The following FBN1 variants were observed in gnomAD, a reference collection of about 807,000 sequenced individuals.
FBN1 encodes the protein fibrillin 1.
Under a neutral mutation model 365.1 loss-of-function variants are expected in FBN1, and 29 were observed. That is an observed-to-expected ratio of 0.08 (90% CI 0.06 to 0.11). The LOEUF (loss-of-function observed/expected upper bound fraction) is 0.11, where lower values mean the gene tolerates loss of function less well. FBN1 is among the 10% of genes least tolerant of loss of function. FBN1 has a pLI of 1.00. For missense variants in FBN1, 2,476 were observed against 3,703.2 expected (o/e 0.67, Z 8.60); for synonymous variants, 1,210 against 1,270.5 (o/e 0.95, Z 1.01).
chr15:48,475,909 T>C (rs181041196), intron 32 of FBN1, among the ~76,000 whole-genome samples: 1 of 152,198 alleles, frequency 6.6e-6, no homozygotes, highest in Non-Finnish European at 1.5e-5. Context: ...CTAATGATCA[T>C]AAAAATGAAG....
Position 48,430,801 on chromosome 15 carries a change from A to G in FBN1, c.6741T>C (p.Asp2247=). The G allele has an allele frequency of 3.1e-6, 5 of 1,613,562 alleles. No individual in the cohort carries two copies. The highest frequency in any genetic ancestry group is 4.2e-6 in the Non-Finnish European group (5 of 1,179,738). The change falls in exon 56 of 66, where the codon GAT becomes GAC. Residue 2247 remains aspartate (D), a splice_region_variant and synonymous_variant. Coordinates refer to ENST00000316623, the MANE Select transcript of FBN1 (RefSeq NM_000138.5). The part of the protein sequence containing the change: ...VLREDRRMCK[D]EDECEEGKHD... ...GTTTTCCCTCTTCACACTCATCCTC[A>G]TCTGTAAAAAATGTACAATCACAAA...
intron 6 of FBN1, among the ~76,000 whole-genome samples, chr15:48,543,683 C>T (rs867920746): frequency 6.6e-6 from 1 of 152,062 alleles, no homozygotes; most frequent in African/African-American, 2.4e-5. Context: ...TTTCTCTTCA[C>T]CAAAAGAAGT....
chr15:48,601,965 C>T (rs1465572523), intron 4 of FBN1, among the ~76,000 whole-genome samples: 1 of 152,198 alleles, frequency 6.6e-6, no homozygotes, highest in Non-Finnish European at 1.5e-5. Context: ...CCCACTATGT[C>T]CTATGACTCC....
At chr15:48,468,230 T>A in intron 37 of FBN1, 128 bp from the exon 38 acceptor site, 1 of 1,366,676 alleles carries the variant, frequency 7.3e-7, no homozygotes, top group Non-Finnish European at 1.0e-6. Flanking sequence ...AAAGTGCCCA[T>A]GAACATTATA....
chr15:48,568,256 TTC>T (rs2044276963), intron 6 of FBN1, among the ~76,000 whole-genome samples: 2 of 151,346 alleles, frequency 1.3e-5, no homozygotes, highest in Admixed American at 6.6e-5. Context: ...TACAAAGCAA[TTC>T]AATTCACAAT....
rs1427266353 is a variant in FBN1, at chr15:48,483,942, G to A, written c.3714C>T (p.Asp1238=). 9 of 1,612,662 alleles carry A rather than the reference G, an allele frequency of 5.6e-6. No individual in the cohort carries two copies. Among genetic ancestry groups the A allele is most frequent in the Non-Finnish European group, 7.6e-6 (9 of 1,179,932 alleles). Residue 1238 remains aspartate (D), a splice_region_variant and synonymous_variant, in exon 31 of 66, where the codon GAC becomes GAT. Coordinates refer to ENST00000316623, the MANE Select transcript of FBN1 (RefSeq NM_000138.5). ...ALMPDQRSCT[D]IDECEDNPNI... is the part of the protein sequence containing the mutation. ...TGGGATTATCTTCACACTCATCGAT[G>A]TCTGCAAAGAATAAAACCAACAACC...
At chr15:48,510,522 C>T (rs1192760176) in intron 13 of FBN1, among the ~76,000 whole-genome samples, 2 of 152,128 alleles carry the variant, frequency 1.3e-5, no homozygotes, top group African/African-American at 2.4e-5. Flanking sequence ...CATCTTTAAA[C>T]ATATAATTTT....
In FBN1 at chr15:48,526,271, A is replaced by C; in HGVS notation, c.863-16T>G. On this transcript the variant is annotated splice_polypyrimidine_tract_variant and intron_variant, in intron 8 of 65. Coordinates refer to ENST00000316623, the MANE Select transcript of FBN1 (RefSeq NM_000138.5). Reference sequence around the variant, plus strand: ...TCATCAATATCTGGAATATAAAAAAAAGAATCTCAGCATTTGTAGAACACA... The same window carrying C: ...TCATCAATATCTGGAATATAAAAAACAGAATCTCAGCATTTGTAGAACACA... 1.9e-6 allele frequency: 3 copies of C among 1,613,876 alleles called. No homozygotes were observed. The highest frequency in any genetic ancestry group is 2.5e-6 in the Non-Finnish European group (3 of 1,179,874).
At chr15:48,545,848 C>A (rs746161450) in intron 6 of FBN1, among the ~76,000 whole-genome samples, 20 of 151,928 alleles carry the variant, frequency 1.3e-4, no homozygotes, top group Non-Finnish European at 1.9e-4. Context: ...ACAGCAAAAC[C>A]CCATCTTTAC....
Position 48,468,018 on chromosome 15 carries a change from C to T in FBN1, c.4667G>A (p.Gly1556Asp). The T allele has an allele frequency of 6.2e-7, 1 of 1,614,144 alleles. No individual in the cohort carries two copies. Among genetic ancestry groups the T allele is most frequent in the South Asian group, 1.1e-5 (1 of 91,080 alleles). The change falls in exon 38 of 66, where the codon GGT (glycine) becomes GAT (aspartate). Residue 1556 changes from glycine to aspartate, a missense_variant. Around this residue, in one of 5 missense-constraint regions of FBN1, gnomAD observed 1,780 missense variants for 2,840.8 expected, o/e 0.63. Coordinates refer to ENST00000316623, the MANE Select transcript of FBN1 (RefSeq NM_000138.5). ...DTACSNEIGV[G>D]VSKASCCCSL... ...ACAGCAGCAGGAAGCTTTGGAAACA[C>T]CAACTCCAATTTCATTGCTGCAGGC... is the stretch of plus-strand genomic sequence containing the variant.
At chr15:48,466,004 A>C in intron 38 of FBN1, 146 bp from the exon 39 acceptor site, 1 of 700,100 alleles carries the variant, frequency 1.4e-6, no homozygotes. Flanking sequence ...AAGTAAGTTA[A>C]CACCTTTGTG....
At chr15:48,465,441 T>C (rs1045656230) in intron 40 of FBN1, 127 bp downstream of exon 40, 2 of 1,060,236 alleles carry the variant, frequency 1.9e-6, no homozygotes, top group African/African-American at 1.6e-5. Context: ...CATATCTACC[T>C]GGCTATGTTC....
In FBN1 at chr15:48,445,315, A is replaced by AT; in HGVS notation, c.5917+60dup. ...AAAGAAGCATTAGAACAGAGACTGC[A>AT]TGATTCCTTGAGTGGTCTCTGGAAG... On this transcript the variant is annotated intron_variant, in intron 48 of 65. Coordinates refer to ENST00000316623, the MANE Select transcript of FBN1 (RefSeq NM_000138.5). 3 of 1,580,048 alleles carry AT rather than the reference A, an allele frequency of 1.9e-6. No homozygotes were observed. In the South Asian group the frequency reaches 3.3e-5, roughly 17 times the overall value.
intron 63 of FBN1, among the ~76,000 whole-genome samples, 166 bp downstream of exon 63, chr15:48,420,521 T>C (rs1041494974): frequency 6.6e-6 from 1 of 152,174 alleles, no homozygotes; most frequent in Non-Finnish European, 1.5e-5. Context: ...CTTAGTTTGC[T>C]GTTTTGCAAA....
chr15:48,556,164 T>C (rs994913573), intron 6 of FBN1, among the ~76,000 whole-genome samples: 5 of 152,220 alleles, frequency 3.3e-5, no homozygotes, highest in Non-Finnish European at 7.3e-5. Flanking sequence ...GGTAAGGCTG[T>C]AGGTGAGTGC....
intron 6 of FBN1, among the ~76,000 whole-genome samples, chr15:48,557,230 C>T (rs913958209): frequency 6.6e-6 from 1 of 152,146 alleles, no homozygotes; most frequent in African/African-American, 2.4e-5. Context: ...TTTTAGAGAA[C>T]AGCTCGTCAC....
chr15:48,541,691 T>C (rs2044058870), intron 6 of FBN1, among the ~76,000 whole-genome samples: 1 of 151,768 alleles, frequency 6.6e-6, no homozygotes, highest in Non-Finnish European at 1.5e-5. Flanking sequence ...ATTATTCCCA[T>C]AGCACTTACA....
chr15:48,628,900 GTCT>G (rs1889935336), intron 2 of FBN1, among the ~76,000 whole-genome samples: 1 of 152,030 alleles, frequency 6.6e-6, no homozygotes, highest in South Asian at 2.1e-4. Context: ...CACTTATAAA[GTCT>G]TCTTGAAAAA....
At chr15:48,544,601 T>G (rs1324076120) in intron 6 of FBN1, among the ~76,000 whole-genome samples, 1 of 152,214 alleles carries the variant, frequency 6.6e-6, no homozygotes, top group Non-Finnish European at 1.5e-5. Context: ...ACATGCAGAC[T>G]AAGCAATTCA....
Sources: allele counts gnomAD v4.1 joint callset (sites outside exome capture counted in the v4.1 genomes callset), GRCh38; gene constraint gnomAD v4.1.1; regional missense constraint gnomAD v4.1.1; transcripts MANE v1.5; gene names NCBI Gene and HGNC (gene_info 2026-07-23, HGNC 2026-07-21).